BTRC: variants seen among roughly 807,000 people sequenced by gnomAD.
BTRC encodes the protein F-box/WD repeat-containing protein 1A.
A neutral mutation model predicts 85.5 loss-of-function variants in BTRC; 42 were observed. The ratio of observed to expected loss-of-function variants is 0.49; its 90% confidence interval spans 0.38 to 0.64. The LOEUF (loss-of-function observed/expected upper bound fraction) is 0.64, where lower values mean the gene tolerates loss of function less well. Among genes scored for constraint, BTRC ranks in the 30% least tolerant of loss-of-function variants. The pLI, the probability that BTRC is intolerant of heterozygous loss-of-function variation, is 0.00. For synonymous variants in BTRC, 255 were observed against 263.3 expected (o/e 0.97, Z 0.30); for missense variants, 594 against 743.5 (o/e 0.80, Z 2.34).
At chr10:101,525,275 C>T (rs2062173746) in intron 5 of BTRC, among the ~76,000 whole-genome samples, 1 of 152,164 alleles carries the variant, frequency 6.6e-6, no homozygotes, top group Non-Finnish European at 1.5e-5. Flanking sequence ...CTCTGCACCT[C>T]CTACAAAATA....
intron 1 of BTRC, among the ~76,000 whole-genome samples, chr10:101,404,725 G>C (rs1374579788): frequency 6.6e-6 from 1 of 152,142 alleles, no homozygotes; most frequent in African/African-American, 2.4e-5. Context: ...CTGGCCGAGT[G>C]CAGTGGCTCA....
intron 1 of BTRC, among the ~76,000 whole-genome samples, chr10:101,362,399 A>ATT (rs35918683): frequency 3.4e-4 from 50 of 148,108 alleles, no homozygotes; most frequent in South Asian, 1.7e-3. Context: ...GGTGCAAGAA[A>ATT]TTTTTTTTTT....
chr10:101,525,962 C>T, intron 5 of BTRC, 51 bp from the exon 6 acceptor site: 1 of 1,562,124 alleles, frequency 6.4e-7, no homozygotes, highest in Admixed American at 1.8e-5. Flanking sequence ...TGTAAAAAAT[C>T]ATTCGCCACC....
intron 1 of BTRC, among the ~76,000 whole-genome samples, chr10:101,383,057 A>ATTTTTTTTTTTTTTTT: frequency 8.6e-6 from 1 of 116,516 alleles, no homozygotes; most frequent in African/African-American, 3.6e-5. Context: ...TTCCCTGGAG[A>ATTTTTTTTTTTTTTTT]TTTTTTTTTT....
At chr10:101,503,319 A>G (rs974068730) in intron 4 of BTRC, among the ~76,000 whole-genome samples, 2 of 152,180 alleles carry the variant, frequency 1.3e-5, no homozygotes, top group African/African-American at 4.8e-5. Context: ...AGTCATAGTC[A>G]TTGACTTGGA....
intron 8 of BTRC, 75 bp from the exon 9 acceptor site, chr10:101,532,877 C>T (rs1027861055): frequency 1.7e-6 from 2 of 1,175,406 alleles, no homozygotes; most frequent in Admixed American, 1.7e-5. Context: ...GGGGATCAGA[C>T]ACGTAATAGG....
At chr10:101,504,399 C>T (rs551318418) in intron 4 of BTRC, among the ~76,000 whole-genome samples, 14 of 152,034 alleles carry the variant, frequency 9.2e-5, no homozygotes, top group African/African-American at 3.4e-4. Flanking sequence ...TCATTCTCCC[C>T]CTTCCCACCT....
intron 4 of BTRC, among the ~76,000 whole-genome samples, chr10:101,512,062 C>T (rs1182142585): frequency 6.6e-6 from 1 of 152,196 alleles, no homozygotes; most frequent in Non-Finnish European, 1.5e-5. Context: ...AAGGCAAAGA[C>T]ACTTTGTATG....
intron 3 of BTRC, among the ~76,000 whole-genome samples, chr10:101,464,460 ATGT>A (rs1341140460): frequency 1.3e-5 from 2 of 152,102 alleles, no homozygotes; most frequent in African/African-American, 2.4e-5. Context: ...AAGAGATTTA[ATGT>A]TGTTTTTTTC....
chr10:101,407,705 TA>T (rs1943664607), intron 1 of BTRC, among the ~76,000 whole-genome samples: 1 of 147,788 alleles, frequency 6.8e-6, no homozygotes, highest in Non-Finnish European at 1.5e-5. Flanking sequence ...CAGTGTAGTT[TA>T]AACATTAATT....
chr10:101,364,319 C>A (rs1942301520), intron 1 of BTRC, among the ~76,000 whole-genome samples: 1 of 152,050 alleles, frequency 6.6e-6, no homozygotes, highest in South Asian at 2.1e-4. Context: ...TAATCAGAAT[C>A]TTGACTATTC....
chr10:101,397,512 C>A (rs1350817148), intron 1 of BTRC, among the ~76,000 whole-genome samples: 3 of 152,146 alleles, frequency 2.0e-5, no homozygotes, highest in Non-Finnish European at 2.9e-5. Context: ...AATTGTGTTT[C>A]AACTCAATTT....
chr10:101,507,284 A>T (rs1391380110), intron 4 of BTRC, among the ~76,000 whole-genome samples: 1 of 152,216 alleles, frequency 6.6e-6, no homozygotes, highest in Non-Finnish European at 1.5e-5. Context: ...CTGCCTGCAA[A>T]GAAACATAAA....
At chr10:101,527,819 C>CACACAA (rs2062220076) in intron 6 of BTRC, among the ~76,000 whole-genome samples, 1 of 151,444 alleles carries the variant, frequency 6.6e-6, no homozygotes. Flanking sequence ...CACACACACA[C>CACACAA]AAAAGAATAT....
At chr10:101,475,586 G>A (rs188706504) in intron 3 of BTRC, among the ~76,000 whole-genome samples, 75 of 151,978 alleles carry the variant, frequency 4.9e-4, no homozygotes, top group African/African-American at 1.6e-3. Flanking sequence ...TAATATCGAT[G>A]GGGAGTTATA....
At chr10:101,358,768 A>G (rs529164575) in intron 1 of BTRC, among the ~76,000 whole-genome samples, 1 of 152,292 alleles carries the variant, frequency 6.6e-6, no homozygotes, top group African/African-American at 2.4e-5. Context: ...GACAGGAGGT[A>G]GAGACTGCCA....
At chr10:101,505,946 GC>G (rs1946529527) in intron 4 of BTRC, among the ~76,000 whole-genome samples, 2 of 149,488 alleles carry the variant, frequency 1.3e-5, no homozygotes, top group Admixed American at 1.3e-4. Flanking sequence ...ACGGAGTCTC[GC>G]TGTGTCGCCC....
At chr10:101,440,115 C>G (rs1006369056) in intron 2 of BTRC, among the ~76,000 whole-genome samples, 7 of 152,004 alleles carry the variant, frequency 4.6e-5, no homozygotes, top group African/African-American at 1.4e-4. Context: ...TTATATTAGT[C>G]CAGCTTATGC....
chr10:101,367,130 G>T (rs1942487804), intron 1 of BTRC, among the ~76,000 whole-genome samples: 2 of 136,366 alleles, frequency 1.5e-5, no homozygotes, highest in South Asian at 4.4e-4. Flanking sequence ...GAGTGCAGTG[G>T]CGCGATCTTG....
Sources: gnomAD v4.1 joint callset for allele counts (sites outside exome capture counted in the v4.1 genomes callset) on GRCh38, gnomAD v4.1.1 for gene constraint, MANE v1.5 for transcripts, NCBI Gene and HGNC (gene_info 2026-07-23, HGNC 2026-07-21) for gene names.